Variants in ITIH5 observed in about 807,000 individuals in gnomAD.
ITIH5 encodes inter-alpha-trypsin inhibitor heavy chain H5.
In ITIH5, 65 loss-of-function variants were observed where a neutral mutation model predicts 77.5. That is an observed-to-expected ratio of 0.84 (90% CI 0.69 to 1.03). ITIH5 has a LOEUF of 1.03. ITIH5 is among the 50% of genes least tolerant of loss of function. The pLI, the probability that ITIH5 is intolerant of heterozygous loss-of-function variation, is 0.00. For synonymous variants in ITIH5, 525 were observed against 494.3 expected (o/e 1.06, Z -0.82); for missense variants, 1,208 against 1,213.1 (o/e 1.00, Z 0.06).
At chr10:7,618,838 T>C (rs1833420576) in intron 5 of ITIH5, 1 of 152,232 alleles carries the variant, frequency 6.6e-6, no homozygotes, top group African/African-American at 2.4e-5. Flanking sequence ...CAAAGGAAGT[T>C]TAAACATTTC....
chr10:7,650,457 C>T lies in ITIH5; in HGVS notation c.135+5174G>A, dbSNP rs578235559. On this transcript the variant is annotated intron_variant, in intron 2 of 13. Transcript: ENST00000397146. ...CTTTCTGAGAAAAACAATACAGGGC[C>T]GGGCGTGGTGGCTCATGCCTGTAAT... Among the ~76,000 whole-genome samples, 13 of 152,254 alleles carry T rather than the reference C, an allele frequency of 8.5e-5. No homozygotes were observed. The South Asian group carries it at 1.9e-3, about 22-fold the overall frequency.
At chr10:7,628,747 ATGTTGCAGCG>A (rs1833636404) in intron 5 of ITIH5, among the ~76,000 whole-genome samples, 11 of 116,010 alleles carry the variant, frequency 9.5e-5, no homozygotes, top group Admixed American at 5.3e-4. Context: ...GCGTGTGTCC[ATGTTGCAGCG>A]TGTGTCCATG....
chr10:7,585,727 G>A (rs1247279027), intron 8 of ITIH5, among the ~76,000 whole-genome samples, 174 bp downstream of exon 8: 3 of 151,606 alleles, frequency 2.0e-5, no homozygotes, highest in Non-Finnish European at 2.9e-5. Context: ...AGGAGAGTAC[G>A]GATTTGGTAT....
intron 5 of ITIH5, chr10:7,621,582 G>A (rs1390284604): frequency 6.6e-6 from 1 of 152,180 alleles, no homozygotes; most frequent in Non-Finnish European, 1.5e-5. Flanking sequence ...CACCCAGGAA[G>A]AAGCAGACAG....
chr10:7,570,504 A>C (rs149566494), intron 11 of ITIH5: 1 of 152,346 alleles, frequency 6.6e-6, no homozygotes, highest in East Asian at 1.9e-4. Context: ...CACCTCTGTT[A>C]AAGGTGAACA....
At chr10:7,595,241 T>C (rs1832871357) in intron 7 of ITIH5, among the ~76,000 whole-genome samples, 1 of 151,900 alleles carries the variant, frequency 6.6e-6, no homozygotes, top group Admixed American at 6.6e-5. Flanking sequence ...AAAAAAATAA[T>C]AAAATTAAAA....
At chr10:7,600,252 C>A (rs1227613597) in intron 7 of ITIH5, among the ~76,000 whole-genome samples, 8 of 152,216 alleles carry the variant, frequency 5.3e-5, no homozygotes, top group Admixed American at 3.3e-4. Flanking sequence ...TCTCAGAAAT[C>A]TGAGCCAGTG....
Position 7,642,075 on chromosome 10 carries a change from T to A in ITIH5, c.151A>T (p.Met51Leu), listed in dbSNP as rs373089198. The stretch of plus-strand genomic sequence containing the variant: ...GTAGACTTCACTGAGAATTCTGTCA[T>A]CAAAGGTTTGGTTTTCTGTAGGAAT... ...LLQRLKTKPL[M>L]TEFSVKSTII... Residue 51 changes from methionine (M) to leucine (L), a missense_variant, in exon 3 of 14, where the codon ATG (methionine) becomes TTG (leucine). Physicochemically the swap from Met to Leu is conservative, Grantham distance 15 (BLOSUM62 2). Coordinates refer to ENST00000397146, the MANE Select transcript of ITIH5 (RefSeq NM_030569.7). 27 of 1,613,622 alleles carry A rather than the reference T, an allele frequency of 1.7e-5. No individual in the cohort carries two copies. The East Asian group carries it at 5.3e-4, about 32-fold the overall frequency.
intron 2 of ITIH5, among the ~76,000 whole-genome samples, chr10:7,642,595 G>A (rs940636827): frequency 2.6e-5 from 4 of 152,070 alleles, no homozygotes; most frequent in African/African-American, 7.2e-5. Context: ...AATTACAGGC[G>A]CATTACTGTG....
intron 7 of ITIH5, among the ~76,000 whole-genome samples, chr10:7,594,747 T>A (rs930353855): frequency 3.3e-5 from 5 of 152,044 alleles, no homozygotes; most frequent in Admixed American, 6.5e-5. Context: ...GGGGATGGGG[T>A]TAGGGTCACT....
chr10:7,569,010 C>CTTTTTT (rs5782983), intron 12 of ITIH5, among the ~76,000 whole-genome samples: 35 of 71,582 alleles, frequency 4.9e-4, no homozygotes, highest in South Asian at 3.1e-3. Context: ...TTTTCTTTTT[C>CTTTTTT]TTTTTTTTTT....
chr10:7,660,632 T>C (rs7097970), intron 1 of ITIH5, among the ~76,000 whole-genome samples: 36,183 of 151,958 alleles, frequency 0.24, 4,390 homozygotes, highest in Non-Finnish European at 0.26. Flanking sequence ...CTGATAGGGG[T>C]TGTGTTTTTC....
chr10:7,595,612 T>A (rs904938033), intron 7 of ITIH5, among the ~76,000 whole-genome samples: 15 of 152,254 alleles, frequency 9.9e-5, no homozygotes, highest in African/African-American at 3.6e-4. Flanking sequence ...TTAAAAACAC[T>A]ATCTTAGAAG....
intron 2 of ITIH5, among the ~76,000 whole-genome samples, chr10:7,652,374 G>A (rs1323932765): frequency 6.6e-6 from 1 of 152,064 alleles, no homozygotes; most frequent in Non-Finnish European, 1.5e-5. Flanking sequence ...GAGCTCCAGA[G>A]GCAAGCAGGA....
chr10:7,639,691 T>C (rs1324579490), intron 4 of ITIH5, among the ~76,000 whole-genome samples: 2 of 152,156 alleles, frequency 1.3e-5, no homozygotes, highest in East Asian at 3.8e-4. Flanking sequence ...GAGGAAAAAA[T>C]AATCTTAGTG....
intron 5 of ITIH5, among the ~76,000 whole-genome samples, chr10:7,622,723 G>A (rs1248722046): frequency 3.9e-5 from 6 of 151,910 alleles, no homozygotes; most frequent in Non-Finnish European, 8.8e-5. Flanking sequence ...TTTAAAAAAA[G>A]AATAATCTTT....
chr10:7,564,319 T>G (rs914246058), intron 13 of ITIH5, among the ~76,000 whole-genome samples: 1 of 152,240 alleles, frequency 6.6e-6, no homozygotes, highest in Non-Finnish European at 1.5e-5. Flanking sequence ...ATTACATATA[T>G]AGTAATCGAA....
At chr10:7,664,049 A>G (rs1029940146) in intron 1 of ITIH5, among the ~76,000 whole-genome samples, 10 of 152,238 alleles carry the variant, frequency 6.6e-5, no homozygotes, top group African/African-American at 2.2e-4. Flanking sequence ...CAGTTTTTAT[A>G]CAAGGGATTT....
At chr10:7,566,581 T>C (rs1001525807) in intron 12 of ITIH5, among the ~76,000 whole-genome samples, 174 bp from the exon 13 acceptor site, 1 of 150,642 alleles carries the variant, frequency 6.6e-6, no homozygotes, top group Non-Finnish European at 1.5e-5. Flanking sequence ...AACAATTAGC[T>C]GAGCATAGTG....
Sources: allele counts gnomAD v4.1 joint callset (sites outside exome capture counted in the v4.1 genomes callset), GRCh38; gene constraint gnomAD v4.1.1; transcripts MANE v1.5; gene names NCBI Gene and HGNC (gene_info 2026-07-23, HGNC 2026-07-21).